Variants in TCEA3 observed in about 807,000 individuals in gnomAD.
TCEA3 encodes the protein transcription elongation factor A3, also known as transcription elongation factor A protein 3.
A neutral mutation model predicts 44.0 loss-of-function variants in TCEA3; 36 were observed. The ratio of observed to expected loss-of-function variants is 0.82; its 90% CI spans 0.63 to 1.08. The LOEUF (loss-of-function observed/expected upper bound fraction) is 1.08, where lower values mean the gene tolerates loss of function less well. Among genes scored for constraint, TCEA3 ranks in the 50% least tolerant of loss-of-function variants. The probability of loss-of-function intolerance (pLI) is 0.00; values close to 1 mark genes in which losing one functional copy is unlikely to be tolerated. For missense variants in TCEA3, 392 were observed against 441.2 expected (o/e 0.89, Z 1.00); for synonymous variants, 162 against 159.7 (o/e 1.01, Z -0.11).
chr1:23,392,433 C>T (rs367803163), intron 8 of TCEA3, among the ~76,000 whole-genome samples: 1 of 4,244 alleles, frequency 2.4e-4, no homozygotes, highest in Non-Finnish European at 4.6e-4. Flanking sequence ...ACACACTCCA[C>T]ACATCATGCA....
chr1:23,419,073 C>T lies in TCEA3; in HGVS notation c.132+4G>A. The stretch of plus-strand genomic sequence containing the variant: ...TGTCCCAAGGCTTCCCACCCCCGCC[C>T]CACCTGTAGTAGCTGGATGGACATC... On this transcript the variant is annotated splice_donor_region_variant and intron_variant, in intron 2 of 10. Transcript: ENST00000450454. 6.3e-7 allele frequency: 1 copy of T among 1,577,090 alleles called. No homozygotes were observed. The highest frequency in any genetic ancestry group is 8.6e-7 in the Non-Finnish European group (1 of 1,159,994).
rs771158898 is a variant in TCEA3 at position 23,408,746 on chromosome 1, A to C, written c.381-20T>G. 3 of 1,592,486 alleles carry C rather than the reference A, an allele frequency of 1.9e-6. No individual in the cohort carries two copies. The South Asian group carries it at 3.4e-5, about 18-fold the overall frequency. ...TCTCTCCTGAAAGAAGAAAATTGGCAAGGAGACTGCTTTGTAGACTAGCAT... is the reference window on the plus strand; with the variant it reads ...TCTCTCCTGAAAGAAGAAAATTGGCCAGGAGACTGCTTTGTAGACTAGCAT... On this transcript the variant is annotated intron_variant, in intron 4 of 10. Transcript: ENST00000450454.
In TCEA3 at chr1:23,408,678, T is replaced by A; in HGVS notation, c.429A>T (p.Arg143Ser). 6.2e-7 allele frequency: 1 copy of A among 1,611,734 alleles called. No individual in the cohort carries two copies. Among genetic ancestry groups the A allele is most frequent in the Non-Finnish European group, 8.5e-7 (1 of 1,179,086 alleles). Residue 143 changes from arginine (R) to serine (S), a missense_variant, in exon 5 of 11, where the codon AGA becomes AGT. Physicochemically the swap from Arg to Ser is moderately radical, Grantham distance 110. Coordinates refer to ENST00000450454, the MANE Select transcript of TCEA3 (RefSeq NM_003196.3). Reference protein sequence around the residue: ...SKSSASSSPKRPSVERSNSSK... With the variant: ...SKSSASSSPKSPSVERSNSSK... ...GTTTCCTTTACCTTTCCACCGATGG[T>A]CTTTTTGGAGAGGAGGAGGCAGAAG...
At chr1:23,392,044 G>T (rs944855130) in intron 8 of TCEA3, among the ~76,000 whole-genome samples, 2 of 152,156 alleles carry the variant, frequency 1.3e-5, no homozygotes, top group African/African-American at 2.4e-5. Flanking sequence ...AAGCCAAGTT[G>T]CAATTTATAA....
At chr1:23,420,262 G>C (rs546502048) in intron 1 of TCEA3, among the ~76,000 whole-genome samples, 4 of 152,234 alleles carry the variant, frequency 2.6e-5, no homozygotes, top group East Asian at 1.9e-4. Flanking sequence ...CATTTTTTGA[G>C]ACAAGATCTC....
At chr1:23,399,709 C>T (rs1454656296) in intron 5 of TCEA3, among the ~76,000 whole-genome samples, 1 of 148,048 alleles carries the variant, frequency 6.8e-6, no homozygotes, top group African/African-American at 2.5e-5. Flanking sequence ...ACTCTGTCAT[C>T]CAGGCTGCCA....
chr1:23,386,715 G>C (rs972473746), intron 9 of TCEA3, among the ~76,000 whole-genome samples: 3 of 72,184 alleles, frequency 4.2e-5, no homozygotes, highest in Admixed American at 1.7e-4. Context: ...GTGCCACCAT[G>C]CCTGGCTAAT....
In TCEA3 at chr1:23,419,290, A is replaced by G. The variant is rs1639987783; in HGVS notation, c.70-151T>C. On this transcript the variant is annotated intron_variant, in intron 1 of 10. Coordinates refer to ENST00000450454, the MANE Select transcript of TCEA3 (RefSeq NM_003196.3). ...GCAGAAGGAAGGAGAGAGACGAGAA[A>G]CAATCTGTCCTAGGTGGTGCTCTAA... is the stretch of plus-strand genomic sequence containing the variant. 5.5e-6 allele frequency: 3 copies of G among 544,184 alleles called. No individual in the cohort carries two copies. In the East Asian group the frequency reaches 9.4e-5, roughly 17 times the overall value. 33.7% of individuals were successfully genotyped at this position (544,184 alleles called of 1,614,324 possible).
chr1:23,389,287 A>G (rs556218573), intron 8 of TCEA3, among the ~76,000 whole-genome samples: 2 of 152,252 alleles, frequency 1.3e-5, no homozygotes, highest in South Asian at 4.1e-4. Context: ...CAGGAGTTGG[A>G]GACCAGCCAG....
At chr1:23,383,752 T>C (rs1018450908) in intron 10 of TCEA3, 86 of 985,674 alleles carry the variant, frequency 8.7e-5, no homozygotes, top group Non-Finnish European at 1.0e-4. Context: ...TCAGGAGACT[T>C]GGCAGGAAGG....
intron 4 of TCEA3, among the ~76,000 whole-genome samples, chr1:23,414,156 A>T (rs899691658): frequency 6.7e-6 from 1 of 149,478 alleles, no homozygotes; most frequent in Non-Finnish European, 1.5e-5. Flanking sequence ...GCACGCTCTC[A>T]GCTCACTGAA....
At chr1:23,422,232 A>G (rs961035469) in intron 1 of TCEA3, among the ~76,000 whole-genome samples, 1 of 152,190 alleles carries the variant, frequency 6.6e-6, no homozygotes, top group Non-Finnish European at 1.5e-5. Context: ...GTATCATTCT[A>G]TAACTATAAT....
chr1:23,394,919 G>A (rs765514491), intron 7 of TCEA3, among the ~76,000 whole-genome samples: 6 of 152,160 alleles, frequency 3.9e-5, no homozygotes, highest in Non-Finnish European at 8.8e-5. Flanking sequence ...GCAGGCTTCC[G>A]AGCCTCCCAC....
rs187054559 is a variant in TCEA3 at position 23,398,471 on chromosome 1, T to C, written c.444-516A>G. ...TGTCAAGAACAAAGGATAATGCAGA[T>C]AAGTCAGCAAAGCTCCTTCCCTTAA... On this transcript the variant is annotated intron_variant, in intron 5 of 10. Transcript: ENST00000450454. Among the ~76,000 whole-genome samples the C allele has an allele frequency of 2.5e-3, 381 of 152,348 alleles. 7 individuals are homozygous for C. Among genetic ancestry groups the C allele is most frequent in the Admixed American group, 0.018 (268 of 15,302 alleles).
chr1:23,389,182 G>A (rs925437553), intron 8 of TCEA3, among the ~76,000 whole-genome samples: 13 of 152,074 alleles, frequency 8.5e-5, no homozygotes, highest in African/African-American at 3.1e-4. Flanking sequence ...TAAAGCATTT[G>A]CCCATTCAAA....
At chr1:23,414,896 GAGA>G (rs1639841231) in intron 4 of TCEA3, among the ~76,000 whole-genome samples, 1 of 151,900 alleles carries the variant, frequency 6.6e-6, no homozygotes, top group African/African-American at 2.4e-5. Flanking sequence ...CTGAGTCTCA[GAGA>G]AGAAGGCCAT....
intron 10 of TCEA3, among the ~76,000 whole-genome samples, chr1:23,383,236 C>A (rs1323106185): frequency 6.8e-6 from 1 of 146,142 alleles, no homozygotes; most frequent in African/African-American, 2.6e-5. Flanking sequence ...GCAGAGATCA[C>A]ACCACTGCAC....
intron 8 of TCEA3, 52 bp downstream of exon 8, chr1:23,393,827 G>T: frequency 6.3e-7 from 1 of 1,594,128 alleles, no homozygotes; most frequent in Non-Finnish European, 8.5e-7. Flanking sequence ...GCACTAGGCA[G>T]GGCTAGGGGG....
intron 8 of TCEA3, among the ~76,000 whole-genome samples, chr1:23,389,171 A>G (rs1236480423): frequency 6.6e-6 from 1 of 152,204 alleles, no homozygotes; most frequent in Non-Finnish European, 1.5e-5. Context: ...TTTCCAGAGC[A>G]TAAAGCATTT....
Sources: allele counts gnomAD v4.1 joint callset (sites outside exome capture counted in the v4.1 genomes callset), GRCh38; gene constraint gnomAD v4.1.1; transcripts MANE v1.5; gene names NCBI Gene and HGNC (gene_info 2026-07-23, HGNC 2026-07-21).